Variants in PLEKHG1 observed in about 807,000 individuals in gnomAD.
PLEKHG1 encodes pleckstrin homology and RhoGEF domain containing G1.
A neutral mutation model predicts 100.8 loss-of-function variants in PLEKHG1; 44 were observed. The observed-to-expected ratio is 0.44, with a 90% CI of 0.34 to 0.56. The LOEUF is 0.56. PLEKHG1 is among the 20% of genes least tolerant of loss of function. The pLI is 0.01. For synonymous variants in PLEKHG1, 640 were observed against 662.5 expected (o/e 0.97, Z 0.52); for missense variants, 1,545 against 1,720.9 (o/e 0.90, Z 1.81).
intron 7 of PLEKHG1, among the ~76,000 whole-genome samples, chr6:150,807,599 C>A (rs1046524930): frequency 6.6e-6 from 1 of 152,140 alleles, no homozygotes; most frequent in African/African-American, 2.4e-5. Context: ...GTTTATTTAT[C>A]AATTTCCATT....
intron 13 of PLEKHG1, among the ~76,000 whole-genome samples, chr6:150,822,705 C>T (rs1448668218): frequency 6.6e-6 from 1 of 152,160 alleles, no homozygotes; most frequent in Non-Finnish European, 1.5e-5. Context: ...ACAGGCTGGG[C>T]GTGGTGGCTC....
chr6:150,701,020 G>A (rs1253119238), intron 3 of PLEKHG1, among the ~76,000 whole-genome samples: 3 of 151,514 alleles, frequency 2.0e-5, no homozygotes. Context: ...AATCACTGGT[G>A]TTAAAATTTT....
chr6:150,632,302 C>CT (rs576001766), intron 1 of PLEKHG1, among the ~76,000 whole-genome samples: 69 of 152,332 alleles, frequency 4.5e-4, no homozygotes, highest in African/African-American at 1.2e-3. Flanking sequence ...ATTCTCTGGA[C>CT]TTTTTTTAAC....
rs533627076 is a variant in PLEKHG1 at position 150,701,790 on chromosome 6, G to C, written c.-98-31794G>C. ...GAATAAAATTAGTTTCAACTTACCT[G>C]TATTTGGGACTCTTTAAGCCTTTTG... On this transcript the variant is annotated intron_variant, in intron 3 of 3. Transcript: ENST00000367326. Among the ~76,000 whole-genome samples, 15 of 152,142 alleles carry C rather than the reference G, an allele frequency of 9.9e-5. No homozygotes were observed. The South Asian group carries it at 3.1e-3, about 32-fold the overall frequency.
rs897791666 is a variant in PLEKHG1 at position 150,600,636 on chromosome 6, C to T, written c.-204+619C>T. On this transcript the variant is annotated intron_variant, in intron 1 of 3. Transcript: ENST00000367326. This position sits in a 1 kb window ranked among gnomAD's most constrained non-coding sequence, Gnocchi z 6.2. Reference sequence around the variant, plus strand: ...GGGAGTCAAGAGCCTGTGGCTCTTCCGTCACGGGGTAAACGGTAACACCTG... The same window carrying T: ...GGGAGTCAAGAGCCTGTGGCTCTTCTGTCACGGGGTAAACGGTAACACCTG... Among the ~76,000 whole-genome samples, 1 of 152,224 alleles carries T rather than the reference C, an allele frequency of 6.6e-6. No homozygotes were observed. The highest frequency in any genetic ancestry group is 2.4e-5 in the African/African-American group (1 of 41,454).
chr6:150,815,477 T>C (rs1005642195), intron 10 of PLEKHG1, among the ~76,000 whole-genome samples: 2 of 152,266 alleles, frequency 1.3e-5, no homozygotes, highest in Non-Finnish European at 2.9e-5. Flanking sequence ...TCCAAATTAA[T>C]TGAAAATAAA....
At chr6:150,832,649 C>T (rs942147108) in intron 15 of PLEKHG1, among the ~76,000 whole-genome samples, 10 of 149,352 alleles carry the variant, frequency 6.7e-5, no homozygotes, top group East Asian at 2.0e-4. Context: ...AATGCCAACT[C>T]GTGCTAACAA....
chr6:150,766,043 C>T (rs572619595), intron 2 of PLEKHG1, among the ~76,000 whole-genome samples: 55 of 152,196 alleles, frequency 3.6e-4, no homozygotes, highest in Non-Finnish European at 6.0e-4. Context: ...GGAGGCTGCT[C>T]GTGTGCAAAT....
intron 3 of PLEKHG1, among the ~76,000 whole-genome samples, chr6:150,678,244 C>T (rs375464503): frequency 1.3e-5 from 2 of 151,982 alleles, no homozygotes; most frequent in South Asian, 4.2e-4. Context: ...CCTGTTCCTC[C>T]TGTCCCACTG....
rs376885728 is a variant in PLEKHG1 at position 150,642,027 on chromosome 6, T to C, written c.-158+3902T>C. On this transcript the variant is annotated intron_variant, in intron 2 of 3. Transcript: ENST00000367326. ...TACAGAAGCCTGGGTAAAAAAAAAC[T>C]GTGCTTCACCATTAAATAAATGGGT... Among the ~76,000 whole-genome samples the C allele has an allele frequency of 1.4e-3, 213 of 151,752 alleles. 4 individuals carry two copies. The South Asian group carries it at 0.038, about 27-fold the overall frequency.
chr6:150,751,280 T>C (rs1783497040), intron 2 of PLEKHG1, among the ~76,000 whole-genome samples: 1 of 152,222 alleles, frequency 6.6e-6, no homozygotes, highest in Non-Finnish European at 1.5e-5. Context: ...AATACTTTTT[T>C]TTTTTTCAGA....
Position 150,831,686 on chromosome 6 carries a change from G to A in PLEKHG1, c.2575G>A (p.Ala859Thr). 1 of 1,612,856 alleles carries A rather than the reference G, an allele frequency of 6.2e-7. No homozygotes were observed. The highest frequency in any genetic ancestry group is 1.1e-5 in the South Asian group (1 of 91,088). Residue 859 changes from alanine to threonine, a missense_variant, in exon 15 of 16, where the codon GCA (alanine) becomes ACA (threonine). Physicochemically the swap from Ala to Thr is moderately conservative, Grantham distance 58 (BLOSUM62 0). Coordinates refer to ENST00000358517, the Ensembl canonical transcript of PLEKHG1. This position sits in a 1 kb window ranked among gnomAD's most constrained non-coding sequence, Gnocchi z 4.1. ...AGACAAGGCCAGAGACCGTCTCCTG[G>A]CAGCGTTTCCTGTGAGCAAGGATGA...
At chr6:150,758,071 A>T (rs533722005) in intron 2 of PLEKHG1, among the ~76,000 whole-genome samples, 4 of 152,122 alleles carry the variant, frequency 2.6e-5, no homozygotes, top group Non-Finnish European at 5.9e-5. Context: ...TTCTTTATCC[A>T]GTCTATCATT....
rs1203221749 is a variant in PLEKHG1 at position 150,761,087 on chromosome 6, CTTTCTTTT to C, written c.412-7539_412-7532del. On this transcript the variant is annotated intron_variant, in intron 2 of 15. Coordinates refer to ENST00000358517, the Ensembl canonical transcript of PLEKHG1. ...TGAAGTAAATGAAAACAATTGATTT[CTTTCTTTT>C]TTTCTTTTTTTTTTTTTTTTTTTTT... Among the ~76,000 whole-genome samples the C allele has an allele frequency of 3.9e-5, 5 of 128,100 alleles. No individual in the cohort carries two copies. The South Asian group carries it at 1.0e-3, about 27-fold the overall frequency. 84.0% of individuals were successfully genotyped at this position (128,100 alleles called of 152,430 possible).
chr6:150,679,292 A>AATAT (rs1779860319), intron 3 of PLEKHG1, among the ~76,000 whole-genome samples: 1 of 152,216 alleles, frequency 6.6e-6, no homozygotes, highest in Non-Finnish European at 1.5e-5. Flanking sequence ...ATTAAGCTCC[A>AATAT]AAGAGATATT....
intron 3 of PLEKHG1, among the ~76,000 whole-genome samples, chr6:150,670,486 AG>A (rs1302394216): frequency 6.6e-6 from 1 of 152,248 alleles, no homozygotes; most frequent in Non-Finnish European, 1.5e-5. Flanking sequence ...ACACAGCCGC[AG>A]CATGCGCTAC....
chr6:150,765,956 C>G (rs1388725464), intron 2 of PLEKHG1, among the ~76,000 whole-genome samples: 1 of 152,102 alleles, frequency 6.6e-6, no homozygotes, highest in Non-Finnish European at 1.5e-5. Flanking sequence ...TTGAATAGGA[C>G]CAAGTCAGAT....
chr6:150,635,969 T>C (rs112237197), intron 1 of PLEKHG1, among the ~76,000 whole-genome samples: 7,743 of 152,226 alleles, frequency 0.051, 470 homozygotes, highest in African/African-American at 0.13. Context: ...GTATTTTGAA[T>C]TTAAAATAAA....
At chr6:150,788,138 A>G (rs2128653897) in intron 4 of PLEKHG1, among the ~76,000 whole-genome samples, 1 of 152,348 alleles carries the variant, frequency 6.6e-6, no homozygotes, top group Non-Finnish European at 1.5e-5. Flanking sequence ...TTTATGTGCC[A>G]CGTTGCCAAC....
Sources: allele counts gnomAD v4.1 joint callset (sites outside exome capture counted in the v4.1 genomes callset), GRCh38; gene constraint gnomAD v4.1.1; non-coding constraint Gnocchi (gnomAD v3.1); transcripts MANE v1.5; gene names NCBI Gene and HGNC (gene_info 2026-07-23, HGNC 2026-07-21).